COLEC12: variants seen among roughly 807,000 people sequenced by gnomAD.
The protein encoded by COLEC12 is collectin-12.
In COLEC12, 33 loss-of-function variants were observed where a neutral mutation model predicts 71.1. The observed-to-expected ratio is 0.46, with a 90% CI of 0.35 to 0.62. COLEC12 has a LOEUF of 0.62. COLEC12 is among the 20% of genes least tolerant of loss of function. The pLI, the probability that COLEC12 is intolerant of heterozygous loss-of-function variation, is 0.00. For missense variants in COLEC12, 765 were observed against 916.1 expected (o/e 0.84, Z 2.13); for synonymous variants, 350 against 353.0 (o/e 0.99, Z 0.10).
chr18:425,567 T>C (rs945756573), intron 2 of COLEC12, among the ~76,000 whole-genome samples: 4 of 152,150 alleles, frequency 2.6e-5, no homozygotes, highest in Non-Finnish European at 4.4e-5. Flanking sequence ...GGAGAGACTC[T>C]GGGATGACAG....
intron 2 of COLEC12, among the ~76,000 whole-genome samples, chr18:451,574 C>T (rs1432299209): frequency 2.0e-5 from 3 of 151,970 alleles, no homozygotes; most frequent in East Asian, 1.9e-4. Context: ...GATAAAACCC[C>T]GTCTCTACTA....
intron 2 of COLEC12, among the ~76,000 whole-genome samples, chr18:402,862 T>C (rs1361217444): frequency 6.6e-6 from 1 of 152,108 alleles, no homozygotes; most frequent in Admixed American, 6.5e-5. Flanking sequence ...GAAGAGTCAG[T>C]GTCCCTGTTC....
At chr18:406,462 T>C (rs957029671) in intron 2 of COLEC12, among the ~76,000 whole-genome samples, 25 of 139,390 alleles carry the variant, frequency 1.8e-4, no homozygotes, top group African/African-American at 6.6e-4. Flanking sequence ...TGAGCCGAGA[T>C]TGCGCCACTG....
intron 5 of COLEC12, among the ~76,000 whole-genome samples, chr18:343,407 C>T (rs1272656085): frequency 6.6e-6 from 1 of 151,992 alleles, no homozygotes; most frequent in African/African-American, 2.4e-5. Flanking sequence ...TCCAACTCTC[C>T]TCCTGAATGA....
chr18:393,761 C>T (rs1391042976), intron 2 of COLEC12, among the ~76,000 whole-genome samples: 3 of 152,236 alleles, frequency 2.0e-5, no homozygotes, highest in Non-Finnish European at 4.4e-5. Flanking sequence ...ATATACACGT[C>T]TGTGCCCTTT....
At chr18:343,626 GCT>G (rs1914306659) in intron 5 of COLEC12, among the ~76,000 whole-genome samples, 1 of 152,008 alleles carries the variant, frequency 6.6e-6, no homozygotes, top group Non-Finnish European at 1.5e-5. Context: ...GACCTTCTAG[GCT>G]CTCTCTGGGG....
At chr18:418,973 C>T (rs540322699) in intron 2 of COLEC12, among the ~76,000 whole-genome samples, 1 of 152,280 alleles carries the variant, frequency 6.6e-6, no homozygotes, top group East Asian at 1.9e-4. Context: ...GATCAGGACC[C>T]CTTTCCTTTA....
At chr18:367,436 A>G (rs948151069) in intron 2 of COLEC12, among the ~76,000 whole-genome samples, 2 of 152,206 alleles carry the variant, frequency 1.3e-5, no homozygotes, top group East Asian at 3.8e-4. Context: ...GAAAACATCA[A>G]TCAACCTGAC....
chr18:354,138 T>C (rs897764096), intron 3 of COLEC12, among the ~76,000 whole-genome samples: 2 of 152,236 alleles, frequency 1.3e-5, no homozygotes, highest in Non-Finnish European at 2.9e-5. Flanking sequence ...GGAAGAAACA[T>C]GACACATTGA....
At chr18:351,172 GAGA>G (rs1204627482) in intron 3 of COLEC12, among the ~76,000 whole-genome samples, 1 of 152,098 alleles carries the variant, frequency 6.6e-6, no homozygotes, top group Non-Finnish European at 1.5e-5. Context: ...ATTGTCCCTG[GAGA>G]AGCTCACTGT....
chr18:366,624 C>T (rs1186956071), intron 2 of COLEC12, among the ~76,000 whole-genome samples: 1 of 152,194 alleles, frequency 6.6e-6, no homozygotes, highest in Admixed American at 6.5e-5. Flanking sequence ...CAAAGGAGCA[C>T]CCGCTAGTAC....
chr18:365,630 AC>A (rs776058025), intron 2 of COLEC12, among the ~76,000 whole-genome samples: 2 of 152,186 alleles, frequency 1.3e-5, no homozygotes, highest in African/African-American at 4.8e-5. Flanking sequence ...GAAGAAGGTG[AC>A]AGGAGGGTTT....
At chr18:333,458 C>T (rs1914030558) in intron 6 of COLEC12, 2 of 212,938 alleles carry the variant, frequency 9.4e-6, no homozygotes, top group Admixed American at 5.4e-5. Context: ...CACAGATGTT[C>T]AGCGTCAGTC....
At chr18:443,544 T>G (rs1339700707) in intron 2 of COLEC12, among the ~76,000 whole-genome samples, 1 of 152,238 alleles carries the variant, frequency 6.6e-6, no homozygotes, top group East Asian at 1.9e-4. Flanking sequence ...TGTGTTTGTT[T>G]GTGAACTTTA....
In COLEC12 at chr18:500,563, G is replaced by T; in HGVS notation, c.-49C>A. 1 of 1,216,024 alleles carries T rather than the reference G, an allele frequency of 8.2e-7. No individual in the cohort carries two copies. Among genetic ancestry groups the T allele is most frequent in the Non-Finnish European group, 1.0e-6 (1 of 977,986 alleles). 75.3% of individuals were successfully genotyped at this position (1,216,024 alleles called of 1,614,324 possible). ...GGCCGGGGAGCTCCGCGCGAGCGCC[G>T]CGCAGCCGAGGAAGTCGTCCCGAGC... On this transcript the variant is annotated 5_prime_UTR_variant, in exon 1 of 10. Coordinates refer to ENST00000400256, the MANE Select transcript of COLEC12 (RefSeq NM_130386.3). This position sits in a 1 kb window ranked among gnomAD's most constrained non-coding sequence, Gnocchi z 5.3.
chr18:351,417 T>C (rs1442994449), intron 3 of COLEC12, among the ~76,000 whole-genome samples: 1 of 152,122 alleles, frequency 6.6e-6, no homozygotes, highest in African/African-American at 2.4e-5. Flanking sequence ...CCTTTCTCTA[T>C]TATGGGACTC....
intron 2 of COLEC12, among the ~76,000 whole-genome samples, chr18:472,628 G>A (rs1917220182): frequency 7.1e-6 from 1 of 140,190 alleles, no homozygotes; most frequent in Admixed American, 7.7e-5. Context: ...CAAGGCTGCA[G>A]TGATGGCACC....
intron 2 of COLEC12, among the ~76,000 whole-genome samples, chr18:396,611 T>C (rs1029070432): frequency 6.6e-6 from 1 of 152,220 alleles, no homozygotes; most frequent in African/African-American, 2.4e-5. Flanking sequence ...CACAAGGCCC[T>C]GGCCAAGGCC....
intron 2 of COLEC12, among the ~76,000 whole-genome samples, chr18:389,183 T>G (rs1190388500): frequency 1.4e-5 from 2 of 142,232 alleles, no homozygotes; most frequent in Non-Finnish European, 3.1e-5. Context: ...TATAAAAAAA[T>G]AAATGTCCAT....
Sources: gnomAD v4.1 joint callset for allele counts (sites outside exome capture counted in the v4.1 genomes callset) on GRCh38, gnomAD v4.1.1 for gene constraint, Gnocchi (gnomAD v3.1) non-coding constraint, MANE v1.5 for transcripts, NCBI Gene and HGNC (gene_info 2026-07-23, HGNC 2026-07-21) for gene names.